DNMT3L: variants seen among roughly 807,000 people sequenced by gnomAD.
DNMT3L encodes the protein DNA (cytosine-5)-methyltransferase 3-like.
Under a neutral mutation model 36.2 loss-of-function variants are expected in DNMT3L, and 33 were observed. The ratio of observed to expected loss-of-function variants is 0.91; its 90% CI spans 0.69 to 1.22. The LOEUF is 1.22. Ranked by LOEUF, DNMT3L falls within the 50% of genes most tolerant of loss-of-function variation. DNMT3L has a pLI of 0.00. For missense variants in DNMT3L, 310 were observed against 303.1 expected, an observed-to-expected ratio of 1.02 and a Z score of -0.17; for synonymous variants, 117 against 121.7, an observed-to-expected ratio of 0.96 and a Z score of 0.26.
chr21:44,259,297 C>A, intron 5 of DNMT3L, 140 bp downstream of exon 5: 1 of 845,986 alleles, frequency 1.2e-6, no homozygotes, highest in South Asian at 1.7e-5. Context: ...TGCCAAATGA[C>A]GCATTGGAGA....
At chr21:44,255,244 GGCACAGACGC>G (rs2146355189) in intron 7 of DNMT3L, among the ~76,000 whole-genome samples, 1 of 152,246 alleles carries the variant, frequency 6.6e-6, no homozygotes, top group East Asian at 1.9e-4. Context: ...AGCACGGCCG[GGCACAGACGC>G]TCAAGCCTGT....
chr21:44,254,785 G>A (rs1011199123), intron 7 of DNMT3L, 80 bp from the exon 8 acceptor site: 8 of 1,401,430 alleles, frequency 5.7e-6, no homozygotes, highest in East Asian at 2.3e-5. Context: ...GCTGACGGAC[G>A]ATCAGAGGAC....
At position 44,258,686 on chromosome 21, in the gene DNMT3L, C is replaced by G. The variant is rs745441862; in HGVS notation, c.353G>C (p.Cys118Ser). ...CGNPDCTRCY[C>S]FECVDSLVGP... ...GACCAGGCTATCCACACACTCGAAG[C>G]AGTAGCATCTAAGGCCAGACAGAAA... Residue 118 changes from cysteine to serine, a missense_variant, in exon 6 of 12, where the codon TGC (cysteine) becomes TCC (serine). Physicochemically the swap from Cys to Ser is moderately radical, Grantham distance 112. Coordinates refer to ENST00000628202, the MANE Select transcript of DNMT3L (RefSeq NM_175867.3). The surrounding 1 kb of genome is among the most constrained non-coding windows in gnomAD (Gnocchi z 6.2). 6.2e-7 allele frequency: 1 copy of G among 1,612,358 alleles called. No individual in the cohort carries two copies. The highest frequency in any genetic ancestry group is 1.3e-5 in the African/African-American group (1 of 74,940).
chr21:44,253,165 G>A (rs535357230), intron 8 of DNMT3L, among the ~76,000 whole-genome samples: 15 of 30,866 alleles, frequency 4.9e-4, no homozygotes, highest in Non-Finnish European at 9.5e-4. Flanking sequence ...GGTGCCGTCC[G>A]CAGCCCTCCA....
intron 6 of DNMT3L, among the ~76,000 whole-genome samples, chr21:44,257,300 C>G (rs1215520669): frequency 6.6e-6 from 1 of 152,150 alleles, no homozygotes; most frequent in African/African-American, 2.4e-5. Context: ...TCGCTTGAAC[C>G]CGGGAGGCCG....
intron 2 of DNMT3L, 31 bp downstream of exon 2, chr21:44,261,123 T>G (rs1223129047): frequency 3.1e-6 from 5 of 1,606,222 alleles, no homozygotes; most frequent in Non-Finnish European, 4.3e-6. Flanking sequence ...GCATCCTAAG[T>G]GACTGGTCCA....
intron 8 of DNMT3L, among the ~76,000 whole-genome samples, chr21:44,254,399 C>T (rs769762487): frequency 2.5e-4 from 38 of 152,352 alleles, no homozygotes; most frequent in Non-Finnish European, 4.0e-4. Flanking sequence ...CTCAGCCCTC[C>T]GCTGCGGGGC....
intron 3 of DNMT3L, among the ~76,000 whole-genome samples, chr21:44,260,456 G>A (rs1166650217): frequency 6.6e-6 from 1 of 152,162 alleles, no homozygotes; most frequent in African/African-American, 2.4e-5. Flanking sequence ...ACGTGGCACA[G>A]TGGTGTCCAC....
In DNMT3L at chr21:44,258,250, G is replaced by C. The variant is rs1055990006; in HGVS notation, c.516+273C>G. On this transcript the variant is annotated intron_variant, in intron 6 of 11. Transcript: ENST00000628202. The surrounding 1 kb of genome is among the most constrained non-coding windows in gnomAD (Gnocchi z 6.2). ...CACTTGCTCCTGAGGACTGGACTTT[G>C]AGACGTGCCAGCCACCCTCTCCCGG... Among the ~76,000 whole-genome samples the C allele has an allele frequency of 6.6e-5, 10 of 152,066 alleles. No homozygotes were observed. The highest frequency in any genetic ancestry group is 8.8e-5 in the Non-Finnish European group (6 of 67,958).
Position 44,260,800 on chromosome 21 carries a change from A to T in DNMT3L, c.146T>A (p.Ile49Lys), listed in dbSNP as rs763913786. ...GCCAGTATGCAAACACTCACCTTCT[A>T]TATTTCGCTGGTTAGCCTTGACTTC... ...AYEVKANQRNIEDICICCGSL... is the reference protein window; with the variant it reads ...AYEVKANQRNKEDICICCGSL... Residue 49 changes from isoleucine (I) to lysine (K), a missense_variant, in exon 3 of 12, where the codon ATA becomes AAA. Physicochemically the swap from Ile to Lys is moderately radical, Grantham distance 102. Transcript: ENST00000628202. 3 of 1,613,152 alleles carry T rather than the reference A, an allele frequency of 1.9e-6. No homozygotes were observed. The highest frequency in any genetic ancestry group is 2.5e-6 in the Non-Finnish European group (3 of 1,179,906).
At chr21:44,254,477 G>GC in intron 8 of DNMT3L, 140 bp downstream of exon 8, 1 of 894,256 alleles carries the variant, frequency 1.1e-6, no homozygotes, top group Non-Finnish European at 1.6e-6. Flanking sequence ...CCACCAGGCT[G>GC]CCGAGAGGCC....
intron 7 of DNMT3L, 70 bp from the exon 8 acceptor site, chr21:44,254,775 G>A: frequency 2.0e-6 from 3 of 1,497,126 alleles, no homozygotes; most frequent in South Asian, 2.4e-5. Context: ...ACTCGAAAAG[G>A]CTGACGGACG....
intron 6 of DNMT3L, among the ~76,000 whole-genome samples, chr21:44,257,691 A>T (rs12483040): frequency 0.095 from 9,050 of 95,486 alleles, 763 homozygotes; most frequent in East Asian, 0.37. Flanking sequence ...AAAAAAAAAA[A>T]AAAAATAAAT....
intron 2 of DNMT3L, 97 bp downstream of exon 2, chr21:44,261,057 A>G (rs1221753863): frequency 2.0e-6 from 3 of 1,487,870 alleles, no homozygotes; most frequent in African/African-American, 1.4e-5. Context: ...GTGCCTGAAT[A>G]ATGCATGAAT....
chr21:44,256,742 C>T (rs190506191), intron 6 of DNMT3L, among the ~76,000 whole-genome samples: 19 of 152,198 alleles, frequency 1.2e-4, no homozygotes, highest in African/African-American at 4.1e-4. Context: ...TGTGGTTTTC[C>T]CTGACCCTGC....
intron 8 of DNMT3L, among the ~76,000 whole-genome samples, chr21:44,253,588 G>A (rs1275839792): frequency 1.3e-5 from 2 of 152,096 alleles, no homozygotes; most frequent in East Asian, 1.9e-4. Context: ...GCATGGTGGC[G>A]GGTGCCTGTA....
At chr21:44,260,483 CTCACCG>C (rs1368063909) in intron 3 of DNMT3L, among the ~76,000 whole-genome samples, 1 of 152,178 alleles carries the variant, frequency 6.6e-6, no homozygotes, top group African/African-American at 2.4e-5. Context: ...CTTCCAGGAT[CTCACCG>C]TCACCCAGGC....
Position 44,260,843 on chromosome 21 carries a change from G to C in DNMT3L, c.107-4C>G. 3 of 1,613,102 alleles carry C rather than the reference G, an allele frequency of 1.9e-6. No individual in the cohort carries two copies. The highest frequency in any genetic ancestry group is 2.5e-6 in the Non-Finnish European group (3 of 1,179,920). ...TTGACTTCATATGCAATAAGATCTG[G>C]AAAGGAAGATAAGAAGTAGCCCCTT... is the stretch of plus-strand genomic sequence containing the variant. On this transcript the variant is annotated splice_region_variant and splice_polypyrimidine_tract_variant and intron_variant, in intron 2 of 11. Transcript: ENST00000628202.
chr21:44,254,076 G>A (rs1402002254), intron 8 of DNMT3L, among the ~76,000 whole-genome samples: 1 of 152,220 alleles, frequency 6.6e-6, no homozygotes, highest in Non-Finnish European at 1.5e-5. Context: ...CTCTCACAGT[G>A]GCATGGGAAG....
Sources: allele counts gnomAD v4.1 joint callset (sites outside exome capture counted in the v4.1 genomes callset), GRCh38; gene constraint gnomAD v4.1.1; non-coding constraint Gnocchi (gnomAD v3.1); transcripts MANE v1.5; gene names NCBI Gene and HGNC (gene_info 2026-07-23, HGNC 2026-07-21).